The following ANKRD36 variants were observed in gnomAD, a reference collection of about 807,000 sequenced individuals.
ANKRD36 encodes the protein ankyrin repeat domain-containing protein 36A.
In ANKRD36, 179 loss-of-function variants were observed where a neutral mutation model predicts 278.1. That is an observed-to-expected ratio of 0.64 (90% confidence interval 0.57 to 0.73). ANKRD36 has a LOEUF of 0.73. Ranked by LOEUF, ANKRD36 falls within the 30% of genes least tolerant of loss-of-function variation. ANKRD36 has a pLI of 0.00. For synonymous variants in ANKRD36, 320 were observed against 641.1 expected (o/e 0.50, Z 7.57); for missense variants, 1,159 against 1,956.7 (o/e 0.59, Z 7.69).
At chr2:97,152,386 G>C (rs1359302517) in intron 13 of ANKRD36, 118 bp from the exon 14 acceptor site, 2 of 790,126 alleles carry the variant, frequency 2.5e-6, no homozygotes, top group African/African-American at 3.4e-5. Flanking sequence ...TGATACTTCT[G>C]CCTCAGCCTT....
chr2:97,181,704 T>C lies in ANKRD36; in HGVS notation c.1765-17T>C, dbSNP rs757878895. 2.5e-6 allele frequency: 4 copies of C among 1,607,656 alleles called. No homozygotes were observed. Among genetic ancestry groups the C allele is most frequent in the Non-Finnish European group, 3.4e-6 (4 of 1,178,320 alleles). On this transcript the variant is annotated splice_polypyrimidine_tract_variant and intron_variant, in intron 25 of 75. Transcript: ENST00000420699. ...CCTACTTTACATATTGATTATTTTG[T>C]TTCAAATCCCATTCAGGCTACAAGT...
intron 56 of ANKRD36, 75 bp from the exon 57 acceptor site, chr2:97,211,471 C>G: frequency 6.4e-7 from 1 of 1,571,834 alleles, no homozygotes; most frequent in Non-Finnish European, 8.7e-7. Flanking sequence ...GAGTTTGATG[C>G]TAACACTGTA....
intron 5 of ANKRD36, among the ~76,000 whole-genome samples, chr2:97,125,870 A>G (rs1294916650): frequency 6.6e-5 from 10 of 151,854 alleles, no homozygotes; most frequent in African/African-American, 2.4e-4. Context: ...ATGACTTATC[A>G]GCAGTTATAT....
intron 58 of ANKRD36, chr2:97,212,924 C>A (rs1232217609): frequency 7.2e-6 from 2 of 278,692 alleles, no homozygotes; most frequent in Non-Finnish European, 1.3e-5. Flanking sequence ...ACTGAAGAGA[C>A]GTGAAGTGTA....
intron 40 of ANKRD36, among the ~76,000 whole-genome samples, 199 bp downstream of exon 40, chr2:97,195,116 C>G (rs1415299656): frequency 1.3e-5 from 2 of 151,944 alleles, no homozygotes; most frequent in Non-Finnish European, 1.5e-5. Flanking sequence ...ATACGCATCC[C>G]CACATTACAA....
At chr2:97,197,147 G>A (rs1417205722) in intron 42 of ANKRD36, among the ~76,000 whole-genome samples, 1 of 151,918 alleles carries the variant, frequency 6.6e-6, no homozygotes, top group Non-Finnish European at 1.5e-5. Context: ...ACATCATACT[G>A]CTAAAAACAG....
At chr2:97,189,424 C>T in intron 34 of ANKRD36, 134 bp downstream of exon 34, 10 of 445,836 alleles carry the variant, frequency 2.2e-5, no homozygotes, top group Non-Finnish European at 4.0e-5. Flanking sequence ...GCCTGAGAGT[C>T]TTCATTTGTA....
chr2:97,200,115 T>TA (rs2060920927), intron 44 of ANKRD36, among the ~76,000 whole-genome samples: 1 of 151,904 alleles, frequency 6.6e-6, no homozygotes, highest in Non-Finnish European at 1.5e-5. Context: ...TGACAAATCT[T>TA]ACCATGTTTG....
rs757020376 is a variant in ANKRD36, at chr2:97,142,833, C to T, written c.899C>T (p.Thr300Ile). ...ATAAAGGATGGACAAAAATCTGGGA[C>T]AGGTATTTTGGAATACACATTTAAT... The part of the protein sequence containing the change: ...TEIKDGQKSG[T>I]VSSQKQPALK... The change falls in exon 8 of 76, where the codon ACA becomes ATA. Residue 300 changes from threonine (T) to isoleucine (I), a missense_variant and splice_region_variant. Coordinates refer to ENST00000420699, the MANE Select transcript of ANKRD36 (RefSeq NM_001354587.1). The T allele has an allele frequency of 2.0e-5, 31 of 1,558,432 alleles. No homozygotes were observed. Among genetic ancestry groups the T allele is most frequent in the Non-Finnish European group, 2.4e-5 (28 of 1,151,930 alleles).
chr2:97,179,038 T>A (rs2055310153), intron 22 of ANKRD36, among the ~76,000 whole-genome samples: 1 of 151,548 alleles, frequency 6.6e-6, no homozygotes, highest in Non-Finnish European at 1.5e-5. Context: ...ATTTGGTAAT[T>A]TATTACACTT....
chr2:97,205,107 T>G (rs1296340470), intron 50 of ANKRD36, among the ~76,000 whole-genome samples: 1 of 151,566 alleles, frequency 6.6e-6, no homozygotes, highest in Non-Finnish European at 1.5e-5. Context: ...AAACAAAAAT[T>G]ATGTTGCATT....
At chr2:97,146,197 C>T (rs1328515917) in intron 10 of ANKRD36, among the ~76,000 whole-genome samples, 6 of 151,768 alleles carry the variant, frequency 4.0e-5, no homozygotes, top group Non-Finnish European at 8.8e-5. Flanking sequence ...GAACTCCTGA[C>T]CTCAAGTTAT....
At chr2:97,198,322 TC>T (rs1281480678) in intron 42 of ANKRD36, 140 bp from the exon 43 acceptor site, 1 of 1,501,208 alleles carries the variant, frequency 6.7e-7, no homozygotes, top group East Asian at 2.5e-5. Flanking sequence ...CACGTTCTAG[TC>T]CCCAGACACA....
chr2:97,125,257 T>G (rs1420626241), intron 5 of ANKRD36, among the ~76,000 whole-genome samples: 1 of 151,368 alleles, frequency 6.6e-6, no homozygotes, highest in Non-Finnish European at 1.5e-5. Context: ...TAAAAAGGCT[T>G]CAAAGTTACA....
At chr2:97,194,690 A>G in intron 38 of ANKRD36, 36 bp from the exon 39 acceptor site, 1 of 1,602,516 alleles carries the variant, frequency 6.2e-7, no homozygotes, top group African/African-American at 1.3e-5. Flanking sequence ...TATCATATTT[A>G]CATGTGAGTG....
chr2:97,179,964 T>C, intron 24 of ANKRD36, 31 bp downstream of exon 24: 1 of 1,602,612 alleles, frequency 6.2e-7, no homozygotes, highest in Non-Finnish European at 8.5e-7. Flanking sequence ...TAATGTCATG[T>C]TCAATCAAGA....
intron 6 of ANKRD36, among the ~76,000 whole-genome samples, chr2:97,138,896 G>C (rs1462576858): frequency 4.6e-5 from 7 of 151,990 alleles, no homozygotes; most frequent in African/African-American, 1.4e-4. Context: ...AACTGAAACT[G>C]GACCCCTTCC....
intron 28 of ANKRD36, among the ~76,000 whole-genome samples, 157 bp downstream of exon 28, chr2:97,183,811 C>G (rs1245622591): frequency 4.6e-5 from 7 of 151,666 alleles, no homozygotes; most frequent in African/African-American, 1.7e-4. Flanking sequence ...GGTGCTGATG[C>G]TGCTGGTCCT....
At chr2:97,117,955 G>A in intron 1 of ANKRD36, 109 bp from the exon 2 acceptor site, 3 of 1,435,404 alleles carry the variant, frequency 2.1e-6, no homozygotes, top group Non-Finnish European at 2.8e-6. Context: ...GCTAACAAAT[G>A]TTGTACTTTC....
Sources: gnomAD v4.1 joint callset for allele counts (sites outside exome capture counted in the v4.1 genomes callset) on GRCh38, gnomAD v4.1.1 for gene constraint, MANE v1.5 for transcripts, NCBI Gene and HGNC (gene_info 2026-07-23, HGNC 2026-07-21) for gene names.